Variants in APBB2 observed in about 807,000 individuals in gnomAD.
APBB2 encodes the protein amyloid beta precursor protein binding family B member 2, also known as Fe65-like 1.
In APBB2, 38 loss-of-function variants were observed where a neutral mutation model predicts 82.5. The observed-to-expected ratio is 0.46, with a 90% CI of 0.36 to 0.60. The LOEUF (loss-of-function observed/expected upper bound fraction) is 0.60, where lower values mean the gene tolerates loss of function less well. Among genes scored for constraint, APBB2 ranks in the 20% least tolerant of loss-of-function variants. APBB2 has a pLI of 0.00. For missense variants in APBB2, 772 were observed against 972.3 expected, an observed-to-expected ratio of 0.79 and a Z score of 2.74; for synonymous variants, 341 against 368.2, an observed-to-expected ratio of 0.93 and a Z score of 0.85.
Position 40,890,385 on chromosome 4 carries a change from C to A in APBB2, c.1508G>T (p.Gly503Val), listed in dbSNP as rs1392636561. The change falls in exon 12 of 18, where the codon GGC becomes GTC. Residue 503 changes from glycine to valine, a missense_variant. Physicochemically the swap from Gly to Val is moderately radical, Grantham distance 109. Transcript: ENST00000508593. ...SQPIVSIRVWGVGRDNGRDFA... is the reference protein window; with the variant it reads ...SQPIVSIRVWVVGRDNGRDFA... ...TCACCGGCCATTGTCGCGGCCCACG[C>A]CCCACACGCGGATGCTGACGATGGG... 1 of 1,613,272 alleles carries A rather than the reference C, an allele frequency of 6.2e-7. No individual in the cohort carries two copies. The highest frequency in any genetic ancestry group is 8.5e-7 in the Non-Finnish European group (1 of 1,179,958).
chr4:41,082,609 G>A (rs549741652), intron 3 of APBB2, among the ~76,000 whole-genome samples: 3 of 146,802 alleles, frequency 2.0e-5, no homozygotes, highest in Non-Finnish European at 3.0e-5. Context: ...GTCCTGCTCT[G>A]TCACCCAGGC....
At chr4:40,909,263 T>C (rs942624592) in intron 10 of APBB2, among the ~76,000 whole-genome samples, 3 of 152,202 alleles carry the variant, frequency 2.0e-5, no homozygotes, top group African/African-American at 7.2e-5. Flanking sequence ...TCTAAAAATA[T>C]CAACCAGAAA....
At chr4:41,150,843 C>T (rs10019665) in intron 1 of APBB2, among the ~76,000 whole-genome samples, 17,345 of 152,138 alleles carry the variant, frequency 0.11, 1,551 homozygotes, top group African/African-American at 0.24. Context: ...CAGGTTCAAG[C>T]GATTCTCCTG....
At chr4:41,068,592 C>G (rs1732731484) in intron 3 of APBB2, among the ~76,000 whole-genome samples, 1 of 152,040 alleles carries the variant, frequency 6.6e-6, no homozygotes, top group Non-Finnish European at 1.5e-5. Context: ...AACAAACAAA[C>G]AAGGCAGTTT....
intron 10 of APBB2, among the ~76,000 whole-genome samples, chr4:40,929,348 C>T (rs999690542): frequency 4.6e-5 from 7 of 152,226 alleles, no homozygotes; most frequent in South Asian, 2.1e-4. Context: ...CTTGCTCTGT[C>T]GCCCAGGCTG....
intron 3 of APBB2, among the ~76,000 whole-genome samples, chr4:41,066,558 G>A (rs904563274): frequency 1.3e-5 from 2 of 152,166 alleles, no homozygotes; most frequent in African/African-American, 2.4e-5. Flanking sequence ...AAGCATGGGC[G>A]TCTAGTCCAG....
At position 40,812,122 on chromosome 4, in the gene APBB2, G is replaced by GTTAC. The variant is rs745592085; in HGVS notation, c.*3966_*3969dup. 8.5e-5 allele frequency: 13 copies of GTTAC among 152,170 alleles called. No homozygotes were observed. The highest frequency in any genetic ancestry group is 1.3e-4 in the Non-Finnish European group (9 of 68,038). The allele number at this position is 152,170 out of a possible 1,614,324, so 9.4% of individuals were successfully genotyped here. On this transcript the variant is annotated 3_prime_UTR_variant, in exon 18 of 18. Coordinates refer to ENST00000508593, the MANE Select transcript of APBB2 (RefSeq NM_004307.2). ...ACAGGGTGATTACTCAAAATTTGAA[G>GTTAC]TTACTTCCTAGTTCTTACCAGGCAG...
At chr4:41,043,694 TATG>T (rs1722346114) in intron 4 of APBB2, among the ~76,000 whole-genome samples, 2 of 152,224 alleles carry the variant, frequency 1.3e-5, no homozygotes, top group African/African-American at 4.8e-5. Context: ...CTCTTGAATT[TATG>T]GTAATCAGTT....
intron 5 of APBB2, among the ~76,000 whole-genome samples, chr4:41,025,782 G>C (rs1447695353): frequency 6.6e-6 from 1 of 150,868 alleles, no homozygotes; most frequent in Non-Finnish European, 1.5e-5. Context: ...AGCTGGGTGT[G>C]GTGGTAGATG....
intron 10 of APBB2, among the ~76,000 whole-genome samples, chr4:40,912,559 A>G (rs1228247874): frequency 6.6e-6 from 1 of 150,384 alleles, no homozygotes; most frequent in African/African-American, 2.5e-5. Flanking sequence ...CCTGGCTGAC[A>G]GAGCAAGATT....
intron 12 of APBB2, among the ~76,000 whole-genome samples, chr4:40,837,462 G>A (rs575326807): frequency 5.9e-5 from 9 of 152,294 alleles, no homozygotes; most frequent in East Asian, 3.9e-4. Context: ...TCAGCATCTC[G>A]TCTGTAAAAC....
chr4:41,057,726 C>T (rs1423734711), intron 4 of APBB2, among the ~76,000 whole-genome samples: 1 of 152,138 alleles, frequency 6.6e-6, no homozygotes, highest in Non-Finnish European at 1.5e-5. Flanking sequence ...TGTCCAAGAA[C>T]CTGGAAAAAT....
At chr4:40,923,175 C>A (rs2154369364) in intron 10 of APBB2, among the ~76,000 whole-genome samples, 1 of 151,030 alleles carries the variant, frequency 6.6e-6, no homozygotes, top group South Asian at 2.1e-4. Flanking sequence ...CGGGGTTTCA[C>A]CGTGTTAGCC....
chr4:40,833,302 CCCA>C (rs1752701897), intron 12 of APBB2, among the ~76,000 whole-genome samples: 1 of 152,206 alleles, frequency 6.6e-6, no homozygotes, highest in Non-Finnish European at 1.5e-5. Context: ...CAAAATTTGT[CCCA>C]CCAACTTTCC....
chr4:40,977,997 C>T (rs1411881497), intron 6 of APBB2, among the ~76,000 whole-genome samples: 1 of 152,240 alleles, frequency 6.6e-6, no homozygotes, highest in Non-Finnish European at 1.5e-5. Flanking sequence ...GGTTCAGCAA[C>T]TCTCGTGTAA....
chr4:40,912,060 T>C (rs923545663), intron 10 of APBB2, among the ~76,000 whole-genome samples: 3 of 152,248 alleles, frequency 2.0e-5, no homozygotes. Flanking sequence ...AATGCAATAA[T>C]ATTTAGTTTG....
At chr4:41,197,767 AC>A in intron 1 of APBB2, among the ~76,000 whole-genome samples, 1 of 151,928 alleles carries the variant, frequency 6.6e-6, no homozygotes, top group Admixed American at 6.6e-5. Flanking sequence ...TCTTCTTTCT[AC>A]CCCCATATTC....
At chr4:41,196,194 C>T in intron 1 of APBB2, among the ~76,000 whole-genome samples, 3 of 152,026 alleles carry the variant, frequency 2.0e-5, no homozygotes, top group African/African-American at 7.2e-5. Flanking sequence ...CTAGCCCATC[C>T]CATGATCACC....
rs1293720912 is a variant in APBB2 at position 40,812,654 on chromosome 4, T to C, written c.*3438A>G. 6.6e-6 allele frequency: 1 copy of C among 152,200 alleles called. No individual in the cohort carries two copies. The highest frequency in any genetic ancestry group is 1.5e-5 in the Non-Finnish European group (1 of 68,046). 9.4% of individuals were successfully genotyped at this position (152,200 alleles called of 1,614,324 possible). A position where few individuals can be genotyped will look rare whatever the true frequency, so the allele number is the denominator to read the frequency against. Reference sequence around the variant, plus strand: ...AGTTTGTGTTGCAATGCCTGGGACATGAACGGGCCATACAAACAGAGGAAA... The same window carrying C: ...AGTTTGTGTTGCAATGCCTGGGACACGAACGGGCCATACAAACAGAGGAAA... On this transcript the variant is annotated 3_prime_UTR_variant, in exon 18 of 18. Coordinates refer to ENST00000508593, the MANE Select transcript of APBB2 (RefSeq NM_004307.2).
Sources: allele counts gnomAD v4.1 joint callset (sites outside exome capture counted in the v4.1 genomes callset), GRCh38; gene constraint gnomAD v4.1.1; transcripts MANE v1.5; gene names NCBI Gene and HGNC (gene_info 2026-07-23, HGNC 2026-07-21).